Variants in CDH23 observed in about 807,000 individuals in gnomAD.
CDH23 encodes cadherin-23.
Under a neutral mutation model 317.1 loss-of-function variants are expected in CDH23, and 189 were observed. That is an observed-to-expected ratio of 0.60 (90% CI 0.53 to 0.67). The LOEUF is 0.67. Ranked by LOEUF, CDH23 falls within the 30% of genes least tolerant of loss-of-function variation. The probability of loss-of-function intolerance (pLI) is 0.00; values close to 1 mark genes in which losing one functional copy is unlikely to be tolerated. For missense variants in CDH23, 4,401 were observed against 4,592.4 expected (o/e 0.96, Z 1.20); for synonymous variants, 1,839 against 1,876.8 (o/e 0.98, Z 0.52).
chr10:71,455,925 G>A (rs753904074), intron 3 of CDH23, among the ~76,000 whole-genome samples: 1 of 152,126 alleles, frequency 6.6e-6, no homozygotes, highest in Non-Finnish European at 1.5e-5. Context: ...TTACTGCTGG[G>A]GTCCGGATTG....
chr10:71,432,414 T>A lies in CDH23; in HGVS notation c.-5-7413T>A, dbSNP rs77006786. 0.012 allele frequency among the ~76,000 whole-genome samples: 1,715 copies of A among 147,002 alleles called. 77 individuals carry two copies. In the East Asian group the frequency reaches 0.12, roughly 10 times the overall value. On this transcript the variant is annotated intron_variant, in intron 1 of 69. Transcript: ENST00000224721. ...TGTGTGGTGTGTGTTTGTGTGTGTG[T>A]GAGTGTGTGGGTGAGTGTGTGTTTG...
chr10:71,456,492 G>A lies in CDH23; in HGVS notation c.145+10097G>A, dbSNP rs144041381. On this transcript the variant is annotated intron_variant, in intron 3 of 69. Transcript: ENST00000224721. ...TGTCTGGGCACATCTGGAGCCTGTGGCAGCCCCGGCTATGGACTGCCCCTC... is the reference window on the plus strand; with the variant it reads ...TGTCTGGGCACATCTGGAGCCTGTGACAGCCCCGGCTATGGACTGCCCCTC... 8.1e-3 allele frequency among the ~76,000 whole-genome samples: 1,169 copies of A among 144,922 alleles called. 8 individuals are homozygous for A. Among genetic ancestry groups the A allele is most frequent in the Middle Eastern group, 0.028 (8 of 288 alleles).
chr10:71,730,137 G>A (rs1456916282), intron 30 of CDH23, among the ~76,000 whole-genome samples: 9 of 152,090 alleles, frequency 5.9e-5, no homozygotes, highest in Admixed American at 3.3e-4. Flanking sequence ...GCGCCCGGCC[G>A]AATTATTATC....
chr10:71,687,461 A>T (rs1231760568), intron 18 of CDH23, among the ~76,000 whole-genome samples, 186 bp from the exon 19 acceptor site: 1 of 151,982 alleles, frequency 6.6e-6, no homozygotes, highest in East Asian at 1.9e-4. Flanking sequence ...TACCTCCTAG[A>T]GCTGTAGCCT....
chr10:71,444,565 T>G (rs995078621), intron 2 of CDH23, among the ~76,000 whole-genome samples: 2 of 152,160 alleles, frequency 1.3e-5, no homozygotes, highest in African/African-American at 4.8e-5. Context: ...AGAAGGGCCA[T>G]CGGTCCTGGC....
intron 1 of CDH23, among the ~76,000 whole-genome samples, chr10:71,438,836 A>T (rs574196095): frequency 6.6e-6 from 1 of 152,320 alleles, no homozygotes; most frequent in South Asian, 2.1e-4. Flanking sequence ...AACACGCCCC[A>T]GGCCAGATGC....
intron 2 of CDH23, among the ~76,000 whole-genome samples, chr10:71,445,238 G>A (rs1850098653): frequency 1.3e-5 from 2 of 152,240 alleles, no homozygotes; most frequent in South Asian, 4.1e-4. Flanking sequence ...AAATAGGGAT[G>A]TGATAGCACC....
intron 6 of CDH23, among the ~76,000 whole-genome samples, chr10:71,517,181 C>T (rs548116264): frequency 5.9e-5 from 9 of 152,346 alleles, no homozygotes; most frequent in African/African-American, 1.2e-4. Flanking sequence ...GCTGGTCTAC[C>T]GAGGTGAGGG....
At chr10:71,667,193 G>A (rs1863938096) in intron 14 of CDH23, among the ~76,000 whole-genome samples, 1 of 152,148 alleles carries the variant, frequency 6.6e-6, no homozygotes, top group South Asian at 2.1e-4. Context: ...GTGCGTGACG[G>A]GAGTGTGGGC....
intron 38 of CDH23, chr10:71,753,773 A>T (rs1018182187): frequency 4.4e-6 from 2 of 456,300 alleles, no homozygotes; most frequent in African/African-American, 4.0e-5. Context: ...GGGGAAACAG[A>T]TGGTGGGGGA....
chr10:71,520,710 G>A (rs532868773), intron 6 of CDH23, among the ~76,000 whole-genome samples: 4 of 152,340 alleles, frequency 2.6e-5, no homozygotes, highest in South Asian at 4.1e-4. Flanking sequence ...GTCCACAGGT[G>A]TCTGATCAGC....
chr10:71,811,558 C>T lies in CDH23; in HGVS notation c.9246C>T (p.Leu3082=), dbSNP rs777481920. Residue 3082 remains leucine (L), a synonymous_variant, in exon 64 of 70, where the codon CTC becomes CTT. Coordinates refer to ENST00000224721, the MANE Select transcript of CDH23 (RefSeq NM_022124.6). The part of the protein sequence containing the change: ...LAILLFLAAM[L]FVLMNWYYRT... The stretch of plus-strand genomic sequence containing the variant: ...TCCTCCTGTTCCTGGCCGCCATGCT[C>T]TTTGTCCTCATGAACTGGTACTACA... 1 of 1,614,020 alleles carries T rather than the reference C, an allele frequency of 6.2e-7. No homozygotes were observed. Among genetic ancestry groups the T allele is most frequent in the South Asian group, 1.1e-5 (1 of 91,090 alleles).
intron 1 of CDH23, among the ~76,000 whole-genome samples, chr10:71,403,635 G>T (rs1348201002): frequency 6.6e-6 from 1 of 150,676 alleles, no homozygotes; most frequent in African/African-American, 2.4e-5. Context: ...TCCTGCCTCA[G>T]CCTCCCAAGT....
intron 2 of CDH23, among the ~76,000 whole-genome samples, chr10:71,445,945 AT>A (rs1222332942): frequency 6.6e-6 from 1 of 152,214 alleles, no homozygotes; most frequent in Non-Finnish European, 1.5e-5. Context: ...CCAAAATAGA[AT>A]CATTTCAATA....
intron 6 of CDH23, among the ~76,000 whole-genome samples, chr10:71,526,336 G>A (rs1025428393): frequency 2.1e-4 from 32 of 152,336 alleles, no homozygotes; most frequent in African/African-American, 7.2e-4. Context: ...GGCTCTCCAC[G>A]TGGGCCCAGG....
At chr10:71,790,822 C>G (rs1179805183) in intron 46 of CDH23, 2 of 491,852 alleles carry the variant, frequency 4.1e-6, no homozygotes, top group Non-Finnish European at 7.4e-6. Flanking sequence ...CAGGTGCCGA[C>G]AGGAAAGCAC....
intron 18 of CDH23, 86 bp from the exon 19 acceptor site, chr10:71,687,561 C>T: frequency 1.6e-6 from 2 of 1,229,642 alleles, no homozygotes; most frequent in Middle Eastern, 1.9e-4. Context: ...CCAGACCTAG[C>T]CTGACTCCTT....
At position 71,777,512 on chromosome 10, in the gene CDH23, T is replaced by G. The variant is rs561600378; in HGVS notation, c.4846-168T>G. Among the ~76,000 whole-genome samples, 9 of 152,244 alleles carry G rather than the reference T, an allele frequency of 5.9e-5. No homozygotes were observed. In the South Asian group the frequency reaches 1.9e-3, roughly 32 times the overall value. ...TACCTTACTTGGCTTTTGGTGGAGT[T>G]TTTGAGCTTTCTCTCTCTACCAGCC... On this transcript the variant is annotated intron_variant, in intron 38 of 69. Transcript: ENST00000224721.
At chr10:71,491,142 G>A (rs1049904769) in intron 3 of CDH23, among the ~76,000 whole-genome samples, 6 of 152,186 alleles carry the variant, frequency 3.9e-5, no homozygotes, top group South Asian at 2.1e-4. Flanking sequence ...GGAGCTCCTC[G>A]CGTCATGTGA....
Sources: gnomAD v4.1 joint callset for allele counts (sites outside exome capture counted in the v4.1 genomes callset) on GRCh38, gnomAD v4.1.1 for gene constraint, MANE v1.5 for transcripts, NCBI Gene and HGNC (gene_info 2026-07-23, HGNC 2026-07-21) for gene names.